Variants in GPLD1 observed in about 807,000 individuals in gnomAD.
GPLD1 encodes phosphatidylinositol-glycan-specific phospholipase D.
GPLD1 carries 84 observed loss-of-function variants against 112.6 expected under a neutral mutation model. The ratio of observed to expected loss-of-function variants is 0.75; its 90% CI spans 0.63 to 0.89. The LOEUF is 0.89. GPLD1 is among the 40% of genes least tolerant of loss of function. The probability of loss-of-function intolerance (pLI) is 0.00; values close to 1 mark genes in which losing one functional copy is unlikely to be tolerated. For synonymous variants in GPLD1, 386 were observed against 403.8 expected (o/e 0.96, Z 0.53); for missense variants, 1,044 against 1,051.5 (o/e 0.99, Z 0.10).
intron 20 of GPLD1, among the ~76,000 whole-genome samples, chr6:24,442,497 T>C (rs1190076322): frequency 7.4e-6 from 1 of 134,230 alleles, no homozygotes; most frequent in Non-Finnish European, 1.5e-5. Context: ...CAGGCTGGAG[T>C]GCAGTGGCAC....
At chr6:24,471,780 C>T (rs903247667) in intron 7 of GPLD1, among the ~76,000 whole-genome samples, 5 of 152,086 alleles carry the variant, frequency 3.3e-5, no homozygotes, top group South Asian at 2.1e-4. Context: ...AGTGCAGAGG[C>T]GCGATCATAG....
chr6:24,433,556 G>A lies in GPLD1; in HGVS notation c.2359-167C>T, dbSNP rs569558875. 26 of 532,930 alleles carry A rather than the reference G, an allele frequency of 4.9e-5. No individual in the cohort carries two copies. In the South Asian group the frequency reaches 5.6e-4, roughly 12 times the overall value. The allele number at this position is 532,930 out of a possible 1,614,324, so 33.0% of individuals were successfully genotyped here. A position where few individuals can be genotyped will look rare whatever the true frequency, so the allele number is the denominator to read the frequency against. ...CGCCCAGGCTGGAGTGCAGTGGCGT[G>A]ATCTCAGCTCACTGCAACCTCTGCC... On this transcript the variant is annotated intron_variant, in intron 22 of 24. Transcript: ENST00000230036.
chr6:24,453,710 G>A (rs1581751896), intron 14 of GPLD1, among the ~76,000 whole-genome samples: 1 of 151,756 alleles, frequency 6.6e-6, no homozygotes, highest in South Asian at 2.1e-4. Flanking sequence ...GTGTGTGTGT[G>A]TGTGTGTGTG....
At chr6:24,468,064 G>A (rs761065010) in intron 7 of GPLD1, among the ~76,000 whole-genome samples, 5 of 151,560 alleles carry the variant, frequency 3.3e-5, no homozygotes, top group South Asian at 2.1e-4. Flanking sequence ...GTGCCACCAC[G>A]CCCGGCTAAT....
intron 5 of GPLD1, among the ~76,000 whole-genome samples, chr6:24,474,764 A>AC (rs1251972758): frequency 4.6e-5 from 7 of 152,136 alleles, no homozygotes; most frequent in Admixed American, 1.3e-4. Flanking sequence ...ACATGGTGAG[A>AC]CCCCGTCTCT....
At chr6:24,452,144 G>C (rs1167053038) in intron 14 of GPLD1, among the ~76,000 whole-genome samples, 1 of 152,314 alleles carries the variant, frequency 6.6e-6, no homozygotes, top group East Asian at 1.9e-4. Context: ...GGAGGGCATG[G>C]AGCCACTTCC....
At position 24,428,791 on chromosome 6, in the gene GPLD1, A is replaced by C; in HGVS notation, c.*241T>G. 2.7e-6 allele frequency: 1 copy of C among 372,338 alleles called. No homozygotes were observed. Among genetic ancestry groups the C allele is most frequent in the East Asian group, 4.3e-5 (1 of 23,188 alleles). 23.1% of individuals were successfully genotyped at this position (372,338 alleles called of 1,614,324 possible). A position where few individuals can be genotyped will look rare whatever the true frequency, so the allele number is the denominator to read the frequency against. On this transcript the variant is annotated 3_prime_UTR_variant, in exon 25 of 25. Transcript: ENST00000230036. ...AAGGGAGCGAGGAAGTAAACTGTGGAAGGAGACATGAGTAAGCAGAATGTC... is the reference window on the plus strand; with the variant it reads ...AAGGGAGCGAGGAAGTAAACTGTGGCAGGAGACATGAGTAAGCAGAATGTC...
At chr6:24,442,471 A>ATTTT (rs1762779388) in intron 20 of GPLD1, among the ~76,000 whole-genome samples, 2 of 95,142 alleles carry the variant, frequency 2.1e-5, no homozygotes, top group African/African-American at 4.4e-5. Context: ...TTGAGATGGA[A>ATTTT]TTTCACTCTG....
At chr6:24,435,983 A>T (rs543388737) in intron 22 of GPLD1, 1 of 134,740 alleles carries the variant, frequency 7.4e-6, no homozygotes, top group African/African-American at 3.5e-5. Context: ...CTGGCCGAGC[A>T]TGGTGGCTCA....
At chr6:24,475,030 A>T in intron 5 of GPLD1, 91 bp downstream of exon 5, 1 of 730,318 alleles carries the variant, frequency 1.4e-6, no homozygotes. Context: ...ATAACCTAAC[A>T]TTTTCCTTTC....
At chr6:24,447,134 C>A (rs1377692746) in intron 17 of GPLD1, among the ~76,000 whole-genome samples, 155 bp from the exon 18 acceptor site, 1 of 152,102 alleles carries the variant, frequency 6.6e-6, no homozygotes, top group Non-Finnish European at 1.5e-5. Context: ...TCCCAGGACC[C>A]CAATGTCATT....
chr6:24,449,892 C>T lies in GPLD1; in HGVS notation c.1343G>A (p.Gly448Asp). 1 of 1,612,510 alleles carries T rather than the reference C, an allele frequency of 6.2e-7. No individual in the cohort carries two copies. The highest frequency in any genetic ancestry group is 8.5e-7 in the Non-Finnish European group (1 of 1,178,780). The change falls in exon 15 of 25, where the codon GGT (glycine) becomes GAT (aspartate). Residue 448 changes from glycine to aspartate, a missense_variant. Physicochemically the swap from Gly to Asp is moderately conservative, Grantham distance 94. Coordinates refer to ENST00000230036, the MANE Select transcript of GPLD1 (RefSeq NM_001503.4). ...HRILEGFQPS[G>D]RFGSALAVLD... is the part of the protein sequence containing the mutation. Reference sequence around the variant, plus strand: ...CACAGCCAAGGCCGAGCCAAACCGACCTGAGGGCTGAAGAGGCACAAGTTT... The same window carrying T: ...CACAGCCAAGGCCGAGCCAAACCGATCTGAGGGCTGAAGAGGCACAAGTTT...
At chr6:24,436,491 C>T in intron 22 of GPLD1, 85 bp downstream of exon 22, 2 of 1,182,282 alleles carry the variant, frequency 1.7e-6, no homozygotes, top group South Asian at 1.3e-5. Flanking sequence ...TTCAGGTAAG[C>T]ACTTTATAGT....
At chr6:24,482,125 G>A (rs1764223364) in intron 2 of GPLD1, among the ~76,000 whole-genome samples, 1 of 129,584 alleles carries the variant, frequency 7.7e-6, no homozygotes, top group Non-Finnish European at 1.6e-5. Context: ...TTTTGAGATG[G>A]AGTCTCACAC....
rs1054910544 is a variant in GPLD1, at chr6:24,427,125, C to T, written c.*1907G>A. Among the ~76,000 whole-genome samples the T allele has an allele frequency of 6.6e-6, 1 of 152,192 alleles. No individual in the cohort carries two copies. The highest frequency in any genetic ancestry group is 2.4e-5 in the African/African-American group (1 of 41,448). On this transcript the variant is annotated 3_prime_UTR_variant, in exon 25 of 25. Transcript: ENST00000230036. ...CCGTGGCAGAAGAAAGAGGTTCTTC[C>T]CAATTTAACACAAAATAAACTAGTT...
chr6:24,449,921 T>G, intron 14 of GPLD1, 22 bp from the exon 15 acceptor site: 1 of 1,552,198 alleles, frequency 6.4e-7, no homozygotes. Context: ...CAAGTTTACT[T>G]CCCCTGGGCT....
intron 3 of GPLD1, among the ~76,000 whole-genome samples, 200 bp from the exon 4 acceptor site, chr6:24,476,478 G>A (rs1288527927): frequency 1.3e-5 from 2 of 152,116 alleles, no homozygotes; most frequent in Non-Finnish European, 2.9e-5. Context: ...GGTACTGTCT[G>A]CCTGATGACT....
chr6:24,472,202 T>C (rs1763848803), intron 7 of GPLD1, among the ~76,000 whole-genome samples: 1 of 152,186 alleles, frequency 6.6e-6, no homozygotes. Flanking sequence ...TGTAACCTCA[T>C]TAGCAATCTG....
rs1581720057 is a variant in GPLD1 at position 24,427,254 on chromosome 6, A to G, written c.*1778T>C. ...GCTGCAGGACTGACAAATGAAATCC[A>G]TCCTACGAAAAACAGCCCAGGAACA... On this transcript the variant is annotated 3_prime_UTR_variant, in exon 25 of 25. Coordinates refer to ENST00000230036, the MANE Select transcript of GPLD1 (RefSeq NM_001503.4). Among the ~76,000 whole-genome samples the G allele has an allele frequency of 6.6e-6, 1 of 152,196 alleles. No individual in the cohort carries two copies. Among genetic ancestry groups the G allele is most frequent in the South Asian group, 2.1e-4 (1 of 4,828 alleles).
Sources: gnomAD v4.1 joint callset for allele counts (sites outside exome capture counted in the v4.1 genomes callset) on GRCh38, gnomAD v4.1.1 for gene constraint, MANE v1.5 for transcripts, NCBI Gene and HGNC (gene_info 2026-07-23, HGNC 2026-07-21) for gene names.